Variants in ADAMTSL1 observed in about 807,000 individuals in gnomAD.
ADAMTSL1 encodes ADAMTS like 1.
In ADAMTSL1, 126 loss-of-function variants were observed where a neutral mutation model predicts 201.8. The ratio of observed to expected loss-of-function variants is 0.62; its 90% CI spans 0.54 to 0.72. ADAMTSL1 has a LOEUF of 0.72. Among genes scored for constraint, ADAMTSL1 ranks in the 30% least tolerant of loss-of-function variants. The probability of loss-of-function intolerance (pLI) is 0.00; values close to 1 mark genes in which losing one functional copy is unlikely to be tolerated. For missense variants in ADAMTSL1, 2,679 were observed against 2,277.8 expected (o/e 1.18, Z -3.59); for synonymous variants, 1,121 against 903.4 (o/e 1.24, Z -4.32).
At chr9:18,304,450 A>AGCAAAACCTGGTTTTGCTATTTT (rs1324040710) in intron 2 of ADAMTSL1, among the ~76,000 whole-genome samples, 2 of 152,190 alleles carry the variant, frequency 1.3e-5, no homozygotes, top group African/African-American at 2.4e-5. Context: ...ATATTAAAAT[A>AGCAAAACCTGGTTTTGCTATTTT]GCAAAACCTG....
intron 1 of ADAMTSL1, among the ~76,000 whole-genome samples, chr9:17,946,294 G>A (rs1025146016): frequency 4.0e-5 from 6 of 151,796 alleles, no homozygotes; most frequent in African/African-American, 9.7e-5. Context: ...CCATCATGCC[G>A]AGCTGACCTT....
At chr9:18,153,818 C>T (rs980499026) in intron 1 of ADAMTSL1, among the ~76,000 whole-genome samples, 3 of 151,948 alleles carry the variant, frequency 2.0e-5, no homozygotes, top group African/African-American at 7.2e-5. Context: ...AAAATTTTTC[C>T]AGCCACCTAG....
At chr9:18,686,372 A>G (rs1284763104) in intron 13 of ADAMTSL1, among the ~76,000 whole-genome samples, 1 of 152,248 alleles carries the variant, frequency 6.6e-6, no homozygotes, top group East Asian at 1.9e-4. Flanking sequence ...ATTAAAGATC[A>G]CAGTGTAACC....
intron 2 of ADAMTSL1, among the ~76,000 whole-genome samples, chr9:18,389,864 ATGCCACAGAGAAGCACAATTTG>A (rs1028016281): frequency 3.3e-5 from 5 of 152,178 alleles, no homozygotes; most frequent in African/African-American, 9.7e-5. Context: ...TATAGCTTAA[ATGCCACAGAGAAGCACAATTTG>A]TGCCACAGAG....
rs147707158 is a variant in ADAMTSL1, at chr9:18,590,827, G to A, written c.474+16561G>A. On this transcript the variant is annotated intron_variant, in intron 4 of 28. Coordinates refer to ENST00000380548, the MANE Select transcript of ADAMTSL1 (RefSeq NM_001040272.6). ...TGTATTTGTATAGTTTCCAAAGTTC[G>A]TCTATATTTGTATAGTTTTGAAAGT... Among the ~76,000 whole-genome samples, 586 of 151,884 alleles carry A rather than the reference G, an allele frequency of 3.9e-3. 8 individuals carry two copies. The highest frequency in any genetic ancestry group is 0.013 in the African/African-American group (548 of 41,466).
chr9:18,296,540 A>T (rs1188847220), intron 2 of ADAMTSL1, among the ~76,000 whole-genome samples: 3 of 152,184 alleles, frequency 2.0e-5, no homozygotes, highest in African/African-American at 7.2e-5. Context: ...ATGCATATAC[A>T]TATAAATAAA....
intron 1 of ADAMTSL1, among the ~76,000 whole-genome samples, chr9:18,093,948 A>T (rs536651): frequency 2.0e-5 from 3 of 152,124 alleles, no homozygotes; most frequent in Non-Finnish European, 4.4e-5. Context: ...GCAGGTCATT[A>T]TAAGTCAAGC....
intron 15 of ADAMTSL1, among the ~76,000 whole-genome samples, chr9:18,727,268 G>A (rs560715324): frequency 6.6e-6 from 1 of 152,328 alleles, no homozygotes; most frequent in East Asian, 1.9e-4. Flanking sequence ...ACATGCTCTT[G>A]AAATATTGGT....
In ADAMTSL1 at chr9:18,296,545, A is replaced by C. The variant is rs529519630; in HGVS notation, c.207+132564A>C. On this transcript the variant is annotated intron_variant, in intron 2 of 29. Transcript: ENST00000680146. ...TTAAATATGGATGCATATACATATAAATAAATTTGGTAAAACCTTAATGTT... is the reference window on the plus strand; with the variant it reads ...TTAAATATGGATGCATATACATATACATAAATTTGGTAAAACCTTAATGTT... Among the ~76,000 whole-genome samples, 67 of 152,308 alleles carry C rather than the reference A, an allele frequency of 4.4e-4. 1 individual carries two copies. Among genetic ancestry groups the C allele is most frequent in the Non-Finnish European group, 8.7e-4 (59 of 68,022 alleles).
At chr9:18,050,048 TGAAA>T (rs1482135831) in intron 1 of ADAMTSL1, among the ~76,000 whole-genome samples, 1 of 152,220 alleles carries the variant, frequency 6.6e-6, no homozygotes, top group Non-Finnish European at 1.5e-5. Flanking sequence ...ACATATTCCT[TGAAA>T]GAAAGTTTAA....
In ADAMTSL1 at chr9:18,027,107, T is replaced by A. The variant is rs188652694; in HGVS notation, c.87+120185T>A. On this transcript the variant is annotated intron_variant, in intron 1 of 29. Transcript: ENST00000680146. ...TTTAGGTCTTCTCTTTTTTTTTTTT[T>A]AATTTGTTAATCTAGCTAGTGATCT... Among the ~76,000 whole-genome samples the A allele has an allele frequency of 5.5e-3, 840 of 151,572 alleles. 9 individuals carry two copies. Among genetic ancestry groups the A allele is most frequent in the South Asian group, 0.047 (226 of 4,816 alleles).
chr9:18,740,147 A>C (rs1215367613), intron 15 of ADAMTSL1, among the ~76,000 whole-genome samples: 1 of 152,196 alleles, frequency 6.6e-6, no homozygotes, highest in African/African-American at 2.4e-5. Flanking sequence ...CATGTCACCC[A>C]GTGCTGTGTC....
At chr9:18,458,281 C>T (rs1019494684) in intron 2 of ADAMTSL1, among the ~76,000 whole-genome samples, 2 of 152,160 alleles carry the variant, frequency 1.3e-5, no homozygotes, top group African/African-American at 2.4e-5. Context: ...CACTGAAACA[C>T]ATACACACAC....
chr9:18,468,846 C>T (rs78478614), intron 2 of ADAMTSL1, among the ~76,000 whole-genome samples: 12,723 of 152,208 alleles, frequency 0.084, 595 homozygotes, highest in Middle Eastern at 0.15. Context: ...AACCGTAAGC[C>T]GAGGCCCTTG....
At chr9:18,148,275 T>C (rs1564026677) in intron 1 of ADAMTSL1, among the ~76,000 whole-genome samples, 1 of 151,974 alleles carries the variant, frequency 6.6e-6, no homozygotes, top group African/African-American at 2.4e-5. Flanking sequence ...AACATCCTAT[T>C]TTCAGTTTGA....
rs141725423 is a variant in ADAMTSL1 at position 18,279,240 on chromosome 9, G to A, written c.207+115259G>A. On this transcript the variant is annotated intron_variant, in intron 2 of 29. Transcript: ENST00000680146. ...CTAGTCAGCCCTGCAGAACCTACAT[G>A]TATAAAAGTCAGCCCTCTGTATACA... Among the ~76,000 whole-genome samples, 762 of 152,060 alleles carry A rather than the reference G, an allele frequency of 5.0e-3. 8 individuals carry two copies. Among genetic ancestry groups the A allele is most frequent in the African/African-American group, 0.018 (733 of 41,472 alleles).
intron 1 of ADAMTSL1, among the ~76,000 whole-genome samples, chr9:18,093,562 A>G (rs904400550): frequency 1.3e-5 from 2 of 152,212 alleles, no homozygotes; most frequent in Non-Finnish European, 1.5e-5. Context: ...CTAAGCTTCT[A>G]TTCCTCATAT....
At chr9:18,171,795 G>C (rs1490129464) in intron 2 of ADAMTSL1, among the ~76,000 whole-genome samples, 9 of 152,020 alleles carry the variant, frequency 5.9e-5, no homozygotes, top group Non-Finnish European at 1.5e-5. Context: ...TTTTCTTCTA[G>C]GGTTTTTATG....
intron 17 of ADAMTSL1, among the ~76,000 whole-genome samples, chr9:18,771,558 G>A (rs1563785426): frequency 6.6e-6 from 1 of 152,126 alleles, no homozygotes; most frequent in African/African-American, 2.4e-5. Flanking sequence ...CTTCCATGGA[G>A]AAGTCCCCCA....
Sources: gnomAD v4.1 joint callset for allele counts (sites outside exome capture counted in the v4.1 genomes callset) on GRCh38, gnomAD v4.1.1 for gene constraint, MANE v1.5 for transcripts, NCBI Gene and HGNC (gene_info 2026-07-23, HGNC 2026-07-21) for gene names.